Variants in KIAA1217 observed in about 807,000 individuals in gnomAD.
The protein encoded by KIAA1217 is KIAA1217, also known as sickle tail protein homolog.
KIAA1217 carries 88 observed loss-of-function variants against 163.9 expected under a neutral mutation model. The observed-to-expected ratio is 0.54, with a 90% CI of 0.45 to 0.64. The LOEUF (loss-of-function observed/expected upper bound fraction) is 0.64, where lower values mean the gene tolerates loss of function less well. KIAA1217 is among the 30% of genes least tolerant of loss of function. The pLI, the probability that KIAA1217 is intolerant of heterozygous loss-of-function variation, is 0.00. For synonymous variants in KIAA1217, 903 were observed against 923.1 expected, an observed-to-expected ratio of 0.98 and a Z score of 0.39; for missense variants, 2,372 against 2,475.0, an observed-to-expected ratio of 0.96 and a Z score of 0.88.
chr10:24,485,726 G>A lies in KIAA1217; in HGVS notation c.1680-8774G>A, dbSNP rs998155805. ...TGGTTTACAGGTTATAATGTGCTTCGCTACACATTTTTCTCATTTGCCCTC... is the reference window on the plus strand; with the variant it reads ...TGGTTTACAGGTTATAATGTGCTTCACTACACATTTTTCTCATTTGCCCTC... On this transcript the variant is annotated intron_variant, in intron 6 of 20. Coordinates refer to ENST00000376454, the MANE Select transcript of KIAA1217 (RefSeq NM_019590.5). Among the ~76,000 whole-genome samples the A allele has an allele frequency of 3.3e-4, 50 of 152,292 alleles. 1 individual carries two copies. The highest frequency in any genetic ancestry group is 4.4e-5 in the Non-Finnish European group (3 of 68,038).
intron 2 of KIAA1217, among the ~76,000 whole-genome samples, chr10:24,026,742 A>ATTTTTTTTTTTTTTTTTTTTTTTCTTTT: frequency 1.4e-5 from 1 of 70,092 alleles, no homozygotes; most frequent in Non-Finnish European, 2.7e-5. Context: ...TATTTCATTG[A>ATTTTTTTTTTTTTTTTTTTTTTTCTTTT]TTTTTTTTTT....
chr10:24,047,987 A>G (rs1849164720), intron 2 of KIAA1217, among the ~76,000 whole-genome samples: 1 of 152,122 alleles, frequency 6.6e-6, no homozygotes, highest in Admixed American at 6.5e-5. Flanking sequence ...CATTGATAGG[A>G]CTTATACTTT....
intron 2 of KIAA1217, among the ~76,000 whole-genome samples, chr10:24,065,058 G>T (rs932423397): frequency 2.0e-5 from 3 of 152,156 alleles, no homozygotes; most frequent in Non-Finnish European, 2.9e-5. Flanking sequence ...CTGGCTAGCG[G>T]TCTATCAATT....
chr10:24,030,824 A>G (rs887013664), intron 2 of KIAA1217, among the ~76,000 whole-genome samples: 6 of 152,188 alleles, frequency 3.9e-5, no homozygotes, highest in African/African-American at 1.4e-4. Flanking sequence ...AGGTTCATCT[A>G]TATTGCAGCA....
In KIAA1217 at chr10:24,162,442, A is replaced by G. The variant is rs115110874; in HGVS notation, c.-170-57184A>G. Among the ~76,000 whole-genome samples the G allele has an allele frequency of 4.1e-3, 631 of 152,246 alleles. 4 individuals are homozygous for G. Among genetic ancestry groups the G allele is most frequent in the African/African-American group, 0.015 (609 of 41,538 alleles). On this transcript the variant is annotated intron_variant, in intron 2 of 18. Coordinates refer to the KIAA1217 transcript ENST00000376462. ...TGGCATTTGGCAGAAACATTCTCCAACCTCTTCATCCCTGTGGCAGAGCCT... is the reference window on the plus strand; with the variant it reads ...TGGCATTTGGCAGAAACATTCTCCAGCCTCTTCATCCCTGTGGCAGAGCCT...
chr10:24,315,157 A>G (rs1269981443), intron 2 of KIAA1217, among the ~76,000 whole-genome samples: 1 of 152,136 alleles, frequency 6.6e-6, no homozygotes, highest in Non-Finnish European at 1.5e-5. Context: ...GCTTCCAAAG[A>G]GAAGTGGGTG....
chr10:23,929,392 G>A (rs769997011), intron 1 of KIAA1217, among the ~76,000 whole-genome samples: 50 of 152,090 alleles, frequency 3.3e-4, no homozygotes, highest in Non-Finnish European at 6.0e-4. Context: ...TGATGCTGAG[G>A]TTTGGGCTTC....
chr10:24,420,157 T>C (rs902753539), intron 3 of KIAA1217, among the ~76,000 whole-genome samples: 3 of 152,170 alleles, frequency 2.0e-5, no homozygotes, highest in African/African-American at 4.8e-5. Context: ...AAATTTACAC[T>C]CTCACCAGCA....
At chr10:24,208,232 AAGG>A (rs1237751589), upstream of KIAA1217, among the ~76,000 whole-genome samples, 1 of 151,996 alleles carries the variant, frequency 6.6e-6, no homozygotes, top group Non-Finnish European at 1.5e-5. Flanking sequence ...GGTGGTTTAA[AAGG>A]AGAAGTATGT....
intron 2 of KIAA1217, among the ~76,000 whole-genome samples, chr10:24,195,484 C>T (rs1448841934): frequency 6.6e-6 from 1 of 152,066 alleles, no homozygotes. Context: ...TGCCCTGTCT[C>T]GAAGGTTCTT....
chr10:24,166,949 A>G (rs2065377730), intron 2 of KIAA1217, among the ~76,000 whole-genome samples: 1 of 152,188 alleles, frequency 6.6e-6, no homozygotes, highest in African/African-American at 2.4e-5. Context: ...CAGAAGAAAC[A>G]CATTTCAGGT....
intron 20 of KIAA1217, chr10:24,545,399 C>T (rs2075622318): frequency 7.6e-7 from 1 of 1,321,834 alleles, no homozygotes; most frequent in Non-Finnish European, 9.7e-7. Context: ...TTCATCTGAA[C>T]ACCTCGGGAA....
At chr10:24,020,932 A>T (rs186482163) in intron 2 of KIAA1217, among the ~76,000 whole-genome samples, 3 of 152,172 alleles carry the variant, frequency 2.0e-5, no homozygotes, top group African/African-American at 7.2e-5. Flanking sequence ...AACAAAATGG[A>T]ACAAAGTATG....
At chr10:23,815,589 A>G (rs1837278956) in intron 1 of KIAA1217, among the ~76,000 whole-genome samples, 1 of 152,238 alleles carries the variant, frequency 6.6e-6, no homozygotes. Flanking sequence ...GCTTGCAGTG[A>G]GCTGAGATCA....
At chr10:24,495,019 C>T (rs1592391583) in intron 7 of KIAA1217, 128 bp from the exon 8 acceptor site, 2 of 749,616 alleles carry the variant, frequency 2.7e-6, no homozygotes. Context: ...GATGCTGATG[C>T]TAAAATACCT....
chr10:24,074,069 C>T (rs1187883794), intron 2 of KIAA1217, among the ~76,000 whole-genome samples: 1 of 152,072 alleles, frequency 6.6e-6, no homozygotes, highest in African/African-American at 2.4e-5. Flanking sequence ...TTAGGCCAGG[C>T]ATGGTGGCTC....
chr10:23,943,945 C>T (rs768746347), intron 1 of KIAA1217, among the ~76,000 whole-genome samples: 1 of 151,962 alleles, frequency 6.6e-6, no homozygotes, highest in Non-Finnish European at 1.5e-5. Flanking sequence ...TTGGGTGGAC[C>T]CAAAAATAAA....
At chr10:24,444,485 A>G (rs2060759750) in intron 5 of KIAA1217, among the ~76,000 whole-genome samples, 1 of 152,202 alleles carries the variant, frequency 6.6e-6, no homozygotes, top group Non-Finnish European at 1.5e-5. Context: ...CATCTCATGC[A>G]AAAGACTGTA....
At chr10:23,935,029 A>T (rs1000250514) in intron 1 of KIAA1217, among the ~76,000 whole-genome samples, 1 of 152,058 alleles carries the variant, frequency 6.6e-6, no homozygotes, top group African/African-American at 2.4e-5. Flanking sequence ...GGGGTTGATG[A>T]CTCCAAAAAC....
Sources: gnomAD v4.1 joint callset for allele counts (sites outside exome capture counted in the v4.1 genomes callset) on GRCh38, gnomAD v4.1.1 for gene constraint, MANE v1.5 for transcripts, NCBI Gene and HGNC (gene_info 2026-07-23, HGNC 2026-07-21) for gene names.